MORC1: variants seen among roughly 807,000 people sequenced by gnomAD.
MORC1 encodes the protein MORC family CW-type zinc finger protein 1.
MORC1 carries 59 observed loss-of-function variants against 134.9 expected under a neutral mutation model. The observed-to-expected ratio is 0.44, with a 90% CI of 0.35 to 0.54. The LOEUF (loss-of-function observed/expected upper bound fraction) is 0.54, where lower values mean the gene tolerates loss of function less well. Among genes scored for constraint, MORC1 ranks in the 20% least tolerant of loss-of-function variants. MORC1 has a pLI of 0.00. For missense variants in MORC1, 947 were observed against 1,134.5 expected (o/e 0.83, Z 2.37); for synonymous variants, 395 against 391.7 (o/e 1.01, Z -0.10).
At chr3:109,053,193 A>C (rs1448081822) in intron 14 of MORC1, among the ~76,000 whole-genome samples, 1 of 152,104 alleles carries the variant, frequency 6.6e-6, no homozygotes, top group Non-Finnish European at 1.5e-5. Flanking sequence ...TTGTCTCGCC[A>C]CTATGGAAAC....
chr3:109,098,353 C>G lies in MORC1; in HGVS notation c.423+1005G>C, dbSNP rs529529490. 5.3e-5 allele frequency among the ~76,000 whole-genome samples: 8 copies of G among 152,262 alleles called. No homozygotes were observed. In the South Asian group the frequency reaches 1.7e-3, roughly 32 times the overall value. On this transcript the variant is annotated intron_variant, in intron 6 of 27. Transcript: ENST00000232603. ...AAGGGTTAGCCCAATTTTCCATGCC[C>G]TTTACACACATAACATGCAACATAA...
intron 15 of MORC1, 39 bp downstream of exon 15, chr3:109,035,301 C>A (rs534388732): frequency 2.5e-5 from 39 of 1,542,304 alleles, no homozygotes; most frequent in Middle Eastern, 3.4e-4. Context: ...ATTTAAGAGC[C>A]CTTAACATTT....
At chr3:109,046,157 T>C (rs1320440050) in intron 14 of MORC1, among the ~76,000 whole-genome samples, 1 of 152,242 alleles carries the variant, frequency 6.6e-6, no homozygotes, top group Non-Finnish European at 1.5e-5. Context: ...CAATTATTTG[T>C]AGACTTAGGA....
rs892443788 is a variant in MORC1, at chr3:109,100,578, G to A, written c.224-71C>T. The A allele has an allele frequency of 1.6e-5, 18 of 1,136,596 alleles. No homozygotes were observed. In the Admixed American group the frequency reaches 2.9e-4, roughly 18 times the overall value. The allele number at this position is 1,136,596 out of a possible 1,614,324, so 70.4% of individuals were successfully genotyped here. A position where few individuals can be genotyped will look rare whatever the true frequency, so the allele number is the denominator to read the frequency against. ...CACTGGCCTGAGGCCCAGCTGTCAG[G>A]ACCTCACATTCCTCAGAACATCAGG... On this transcript the variant is annotated intron_variant, in intron 4 of 27. Transcript: ENST00000232603.
At chr3:109,068,181 G>T (rs1219929560) in intron 9 of MORC1, among the ~76,000 whole-genome samples, 2 of 152,160 alleles carry the variant, frequency 1.3e-5, no homozygotes, top group African/African-American at 4.8e-5. Flanking sequence ...TAGATATCAA[G>T]GTCCTCAAAA....
intron 7 of MORC1, 81 bp downstream of exon 7, chr3:109,094,828 T>A (rs1277453882): frequency 3.8e-6 from 5 of 1,307,438 alleles, no homozygotes; most frequent in Non-Finnish European, 5.0e-6. Flanking sequence ...ACAAAAAAAA[T>A]GAAAACATAT....
intron 17 of MORC1, among the ~76,000 whole-genome samples, chr3:109,015,126 C>T (rs1178476360): frequency 6.6e-6 from 1 of 152,078 alleles, no homozygotes; most frequent in Non-Finnish European, 1.5e-5. Context: ...TCAAGTGATC[C>T]GCCCTCCTTT....
chr3:109,037,148 G>T (rs768362889), intron 14 of MORC1, among the ~76,000 whole-genome samples: 7 of 152,188 alleles, frequency 4.6e-5, no homozygotes, highest in Non-Finnish European at 1.0e-4. Context: ...TCCTGGGTCT[G>T]GGGGTTAATG....
Position 109,018,275 on chromosome 3 carries a change from T to G in MORC1, c.1704+9476A>C, listed in dbSNP as rs374522584. 2.0e-5 allele frequency among the ~76,000 whole-genome samples: 3 copies of G among 152,274 alleles called. No homozygotes were observed. The East Asian group carries it at 5.8e-4, about 29-fold the overall frequency. ...GATTTTCTGATTAAATTTACTTCAC[T>G]TGGGACCTGGACTAAAAGAACAAAT... On this transcript the variant is annotated intron_variant, in intron 17 of 27. Coordinates refer to ENST00000232603, the MANE Select transcript of MORC1 (RefSeq NM_014429.4).
intron 9 of MORC1, among the ~76,000 whole-genome samples, chr3:109,064,957 A>C (rs1002766074): frequency 1.3e-5 from 2 of 152,160 alleles, no homozygotes; most frequent in African/African-American, 4.8e-5. Context: ...ATAAAAACTC[A>C]GAAGGCCTTC....
intron 3 of MORC1, among the ~76,000 whole-genome samples, chr3:109,108,595 CT>C (rs145199600): frequency 0.032 from 4,893 of 152,154 alleles, 246 homozygotes; most frequent in African/African-American, 0.11. Context: ...GAGTATCTTT[CT>C]TTAAAAAAGA....
chr3:109,022,851 G>A (rs147094448), intron 17 of MORC1, among the ~76,000 whole-genome samples: 1 of 152,176 alleles, frequency 6.6e-6, no homozygotes, highest in Non-Finnish European at 1.5e-5. Context: ...AAGATGAAGA[G>A]AAATAGTCCT....
chr3:108,981,251 A>G (rs1453274585), intron 23 of MORC1, among the ~76,000 whole-genome samples: 1 of 152,150 alleles, frequency 6.6e-6, no homozygotes. Context: ...AATTAAGATC[A>G]CAGCTCTAGA....
chr3:109,097,087 G>C (rs535840420), intron 6 of MORC1, among the ~76,000 whole-genome samples: 1 of 152,250 alleles, frequency 6.6e-6, no homozygotes, highest in South Asian at 2.1e-4. Flanking sequence ...CAAGTGACCA[G>C]CACAATGGGT....
intron 10 of MORC1, among the ~76,000 whole-genome samples, chr3:109,062,791 T>C (rs1468879050): frequency 6.6e-6 from 1 of 152,202 alleles, no homozygotes; most frequent in Non-Finnish European, 1.5e-5. Context: ...AGTCTCGCTA[T>C]GTTGCCCAGG....
At position 108,963,396 on chromosome 3, in the gene MORC1, T is replaced by C. The variant is rs1439645051; in HGVS notation, c.2799+18A>G. Reference sequence around the variant, plus strand: ...ATAGAGTCTACTCCTACTGCTCAAATACAACTTTTTCACTCACCAGTTGGA... The same window carrying C: ...ATAGAGTCTACTCCTACTGCTCAAACACAACTTTTTCACTCACCAGTTGGA... On this transcript the variant is annotated intron_variant, in intron 27 of 27. Transcript: ENST00000232603. 22 of 1,601,026 alleles carry C rather than the reference T, an allele frequency of 1.4e-5. No individual in the cohort carries two copies. Among genetic ancestry groups the C allele is most frequent in the Non-Finnish European group, 1.9e-5 (22 of 1,173,552 alleles).
intron 6 of MORC1, 86 bp from the exon 7 acceptor site, chr3:109,095,154 T>C (rs1950805945): frequency 1.6e-6 from 2 of 1,264,942 alleles, no homozygotes; most frequent in Non-Finnish European, 2.2e-6. Context: ...CCACTCTTCA[T>C]CTAGACAAAT....
In MORC1 at chr3:109,005,118, T is replaced by G. The variant is rs1187556350; in HGVS notation, c.1965A>C (p.Arg655Ser). ...MEEKMNSQQQ[R>S]IPVALPENVK... ...CATTTTCTGGCAGAGCTACTGGAAT[T>G]CTCTGCTGTTGAGAGTTCATTTTCT... Residue 655 changes from arginine (R) to serine (S), a missense_variant, in exon 19 of 28, where the codon AGA (arginine) becomes AGC (serine). Arg to Ser is a moderately radical substitution (Grantham distance 110). Coordinates refer to ENST00000232603, the MANE Select transcript of MORC1 (RefSeq NM_014429.4). 6.2e-7 allele frequency: 1 copy of G among 1,613,392 alleles called. No individual in the cohort carries two copies. The highest frequency in any genetic ancestry group is 1.7e-5 in the Admixed American group (1 of 59,908).
chr3:108,964,680 A>G (rs1045781415), intron 26 of MORC1, among the ~76,000 whole-genome samples: 3 of 152,216 alleles, frequency 2.0e-5, no homozygotes, highest in African/African-American at 7.2e-5. Context: ...TTAATTATAG[A>G]TGACGTGGAG....
Sources: gnomAD v4.1 joint callset for allele counts (sites outside exome capture counted in the v4.1 genomes callset) on GRCh38, gnomAD v4.1.1 for gene constraint, MANE v1.5 for transcripts, NCBI Gene and HGNC (gene_info 2026-07-23, HGNC 2026-07-21) for gene names.